Variants in PCDH11X observed in about 807,000 individuals in gnomAD.
The protein encoded by PCDH11X is protocadherin-11 X-linked.
In PCDH11X, 18 loss-of-function variants were observed where a neutral mutation model predicts 53.3. The ratio of observed to expected loss-of-function variants is 0.34; its 90% CI spans 0.23 to 0.50. The LOEUF is 0.50. Ranked by LOEUF, PCDH11X falls within the 20% of genes least tolerant of loss-of-function variation. PCDH11X has a pLI of 0.98. For synonymous variants in PCDH11X, 279 were observed against 393.3 expected (o/e 0.71, Z 3.44); for missense variants, 570 against 1,032.4 (o/e 0.55, Z 6.14).
At chrX:92,593,245 G>A (rs1449923187) in intron 10 of PCDH11X, among the ~76,000 whole-genome samples, 1 of 111,443 alleles carries the variant, frequency 9.0e-6, no homozygotes, top group Non-Finnish European at 1.9e-5. Context: ...ACAGTCATTA[G>A]ATTCTAAATA....
chrX:92,021,742 A>G lies in PCDH11X; in HGVS notation c.3033+142469A>G, dbSNP rs370772017. On this transcript the variant is annotated intron_variant, in intron 6 of 10. Transcript: ENST00000682573. Reference sequence around the variant, plus strand: ...CATTAGATTCTCCAAGGTAGAAATGAAGGAAAAAATGTTAAGGGCAGCCAG... The same window carrying G: ...CATTAGATTCTCCAAGGTAGAAATGGAGGAAAAAATGTTAAGGGCAGCCAG... Among the ~76,000 whole-genome samples, 67 of 106,779 alleles carry G rather than the reference A, an allele frequency of 6.3e-4. No homozygotes were observed. The East Asian group carries it at 8.4e-3, about 13-fold the overall frequency. The allele number at this position is 106,779 out of a possible 115,157, so 92.7% of individuals were successfully genotyped here. A position where few individuals can be genotyped will look rare whatever the true frequency, so the allele number is the denominator to read the frequency against.
intron 1 of PCDH11X, among the ~76,000 whole-genome samples, chrX:91,806,581 A>G (rs1326786434): frequency 8.9e-6 from 1 of 112,901 alleles, no homozygotes; most frequent in African/African-American, 3.2e-5. Flanking sequence ...TTTTAGTCTC[A>G]CTGAAAAACT....
intron 9 of PCDH11X, among the ~76,000 whole-genome samples, chrX:92,411,239 T>C (rs1320698333): frequency 9.0e-6 from 1 of 110,791 alleles, no homozygotes; most frequent in Non-Finnish European, 1.9e-5. Context: ...TTAGGTTGAA[T>C]AAATTGGCTA....
intron 10 of PCDH11X, among the ~76,000 whole-genome samples, chrX:92,596,426 G>A (rs1260062078): frequency 1.9e-5 from 2 of 106,490 alleles, no homozygotes; most frequent in Non-Finnish European, 3.8e-5. Context: ...TTTTGACTAT[G>A]AGGAACTATA....
intron 8 of PCDH11X, among the ~76,000 whole-genome samples, chrX:92,375,603 G>T (rs1016460949): frequency 9.1e-6 from 1 of 109,620 alleles, no homozygotes; most frequent in Non-Finnish European, 1.9e-5. Context: ...CTGTTTACAT[G>T]ACTTTTAATA....
Position 91,939,682 on chromosome X carries a change from C to T in PCDH11X, c.3033+60409C>T, listed in dbSNP as rs7056455. 2.8e-3 allele frequency among the ~76,000 whole-genome samples: 305 copies of T among 109,526 alleles called. 1 individual carries two copies. The highest frequency in any genetic ancestry group is 9.6e-3 in the African/African-American group (289 of 30,148). Reference sequence around the variant, plus strand: ...GTCTGAAACAATGCAAGTAAAAAGACAGTGGAGGGCTGTCTTTAAAGTGCT... The same window carrying T: ...GTCTGAAACAATGCAAGTAAAAAGATAGTGGAGGGCTGTCTTTAAAGTGCT... On this transcript the variant is annotated intron_variant, in intron 6 of 10. Transcript: ENST00000682573.
chrX:92,254,683 T>C (rs1011170062), intron 7 of PCDH11X, among the ~76,000 whole-genome samples: 29 of 108,501 alleles, frequency 2.7e-4, no homozygotes, highest in Non-Finnish European at 1.9e-4. Context: ...AGTATTTTAT[T>C]TCTCCTTCAC....
At chrX:92,317,027 G>A (rs1321232328) in intron 8 of PCDH11X, among the ~76,000 whole-genome samples, 1 of 111,408 alleles carries the variant, frequency 9.0e-6, no homozygotes, top group African/African-American at 3.3e-5. Context: ...AAAAATTGCG[G>A]TCAAGGGGGA....
intron 8 of PCDH11X, among the ~76,000 whole-genome samples, chrX:92,282,282 C>A (rs2068267238): frequency 9.0e-6 from 1 of 111,448 alleles, no homozygotes; most frequent in African/African-American, 3.2e-5. Flanking sequence ...TTATAGTGTT[C>A]ATCTTAAAAT....
chrX:92,180,468 TCAAA>T lies in PCDH11X; in HGVS notation c.3034-20904_3034-20901del, dbSNP rs758621775. ...ATTCTAGTGCCCCAGGATGCAATCCTCAAACAGTTTATCTTCCCTATCTAGTCTC... is the reference window on the plus strand; with the variant it reads ...ATTCTAGTGCCCCAGGATGCAATCCTCAGTTTATCTTCCCTATCTAGTCTC... On this transcript the variant is annotated intron_variant, in intron 6 of 10. Transcript: ENST00000682573. Among the ~76,000 whole-genome samples the T allele has an allele frequency of 1.1e-4, 12 of 111,502 alleles. 1 individual carries two copies. The highest frequency in any genetic ancestry group is 3.6e-4 in the African/African-American group (11 of 30,773).
At chrX:92,168,788 T>C in intron 6 of PCDH11X, among the ~76,000 whole-genome samples, 1 of 111,428 alleles carries the variant, frequency 9.0e-6, no homozygotes, top group Admixed American at 9.6e-5. Context: ...AGTGACTTCC[T>C]AAGTTCACAC....
At chrX:91,807,421 T>C (rs983561635) in intron 1 of PCDH11X, among the ~76,000 whole-genome samples, 1 of 110,628 alleles carries the variant, frequency 9.0e-6, no homozygotes, top group Non-Finnish European at 1.9e-5. Flanking sequence ...GACAAATTAA[T>C]ATCAATAAGC....
intron 6 of PCDH11X, among the ~76,000 whole-genome samples, chrX:92,111,386 A>C (rs1403481112): frequency 9.1e-6 from 1 of 110,131 alleles, no homozygotes; most frequent in East Asian, 2.8e-4. Flanking sequence ...GAATTTTTTC[A>C]TGAAAATGTA....
intron 6 of PCDH11X, among the ~76,000 whole-genome samples, chrX:92,129,336 A>G (rs1173084946): frequency 9.0e-6 from 1 of 111,256 alleles, no homozygotes; most frequent in African/African-American, 3.3e-5. Flanking sequence ...AGTTGCAGTG[A>G]GCCGAGATCG....
intron 8 of PCDH11X, among the ~76,000 whole-genome samples, chrX:92,306,108 A>G (rs2068822800): frequency 1.8e-5 from 2 of 111,669 alleles, no homozygotes; most frequent in African/African-American, 6.5e-5. Context: ...AATCAACGAT[A>G]GAAGGAAAAT....
chrX:91,958,789 C>G lies in PCDH11X; in HGVS notation c.3033+79516C>G, dbSNP rs772647412. 1.2e-4 allele frequency among the ~76,000 whole-genome samples: 13 copies of G among 109,990 alleles called. No homozygotes were observed. The East Asian group carries it at 3.5e-3, about 29-fold the overall frequency. On this transcript the variant is annotated intron_variant, in intron 6 of 10. Transcript: ENST00000682573. ...CTGCTTCTAATTAGCCATCTTGGAT[C>G]GTGTTTTTTGCGACATTTTTAAAAT...
chrX:92,455,917 T>C (rs1234382750), intron 9 of PCDH11X, among the ~76,000 whole-genome samples: 1 of 108,086 alleles, frequency 9.3e-6, no homozygotes, highest in African/African-American at 3.4e-5. Context: ...AAACTCACAT[T>C]GTGTTTTGGG....
chrX:92,518,426 C>G (rs1475674900), intron 10 of PCDH11X, among the ~76,000 whole-genome samples: 1 of 111,828 alleles, frequency 8.9e-6, no homozygotes, highest in Non-Finnish European at 1.9e-5. Flanking sequence ...TATACATACT[C>G]TGTAAACTCA....
At chrX:92,190,768 A>C (rs1234469346) in intron 6 of PCDH11X, among the ~76,000 whole-genome samples, 1 of 111,966 alleles carries the variant, frequency 8.9e-6, no homozygotes, top group Non-Finnish European at 1.9e-5. Context: ...AATTTCTCTC[A>C]GAAATATAGA....
Sources: allele counts gnomAD v4.1 joint callset (sites outside exome capture counted in the v4.1 genomes callset), GRCh38; gene constraint gnomAD v4.1.1; transcripts MANE v1.5; gene names NCBI Gene and HGNC (gene_info 2026-07-23, HGNC 2026-07-21).